FXYD2: variants seen among roughly 807,000 people sequenced by gnomAD.
The protein encoded by FXYD2 is FXYD domain containing ion transport regulator 2.
In FXYD2, 8 loss-of-function variants were observed where a neutral mutation model predicts 11.8. The observed-to-expected ratio is 0.68, with a 90% CI of 0.40 to 1.22. The LOEUF is 1.22. Ranked by LOEUF, FXYD2 falls within the 50% of genes most tolerant of loss-of-function variation. The probability of loss-of-function intolerance (pLI) is 0.01; values close to 1 mark genes in which losing one functional copy is unlikely to be tolerated. For synonymous variants in FXYD2, 42 were observed against 33.3 expected, an observed-to-expected ratio of 1.26 and a Z score of -0.90; for missense variants, 92 against 91.8, an observed-to-expected ratio of 1.00 and a Z score of -0.01.
upstream of FXYD2, among the ~76,000 whole-genome samples, chr11:117,826,132 T>C (rs568173252): frequency 1.2e-4 from 18 of 152,236 alleles, no homozygotes; most frequent in African/African-American, 4.3e-4. Context: ...TTTTTACTGT[T>C]ATATGTGTGT....
Position 117,822,795 on chromosome 11 carries a change from C to T in FXYD2, c.26-78G>A, listed in dbSNP as rs866550911. ...ACAGGAACAGCTGGAATTCCCTGTC[C>T]TTCCCTTCCCAGAGGACCCTCGAGG... On this transcript the variant is annotated intron_variant, in intron 1 of 5. Coordinates refer to ENST00000292079, the MANE Select transcript of FXYD2 (RefSeq NM_001680.5). This position sits in a 1 kb window ranked among gnomAD's most constrained non-coding sequence, Gnocchi z 4.7. 5 of 1,563,004 alleles carry T rather than the reference C, an allele frequency of 3.2e-6. No individual in the cohort carries two copies. Among genetic ancestry groups the T allele is most frequent in the Middle Eastern group, 1.8e-4 (1 of 5,424 alleles).
At chr11:117,828,010 C>T (rs2056079981), upstream of FXYD2, 1 of 1,549,626 alleles carries the variant, frequency 6.5e-7, no homozygotes, top group African/African-American at 1.4e-5. Context: ...TACCACCTGT[C>T]CATGGCAGGA....
chr11:117,820,983 C>T, intron 3 of FXYD2, 88 bp from the exon 4 acceptor site: 1 of 1,586,226 alleles, frequency 6.3e-7, no homozygotes, highest in Non-Finnish European at 8.7e-7. Context: ...TCTCTCCTAC[C>T]TCCCTCCTGC....
upstream of FXYD2, among the ~76,000 whole-genome samples, chr11:117,825,723 G>A (rs574611439): frequency 1.3e-5 from 2 of 152,198 alleles, no homozygotes; most frequent in Admixed American, 6.5e-5. Context: ...GACCTCCTTC[G>A]CCCCAGGACT....
At position 117,822,583 on chromosome 11, in the gene FXYD2, A is replaced by T; in HGVS notation, c.64+96T>A. ...CAGCCCGTGGTAACCAGGGGAGATA[A>T]GGGGCACAGAGCATGGACCTGGGGC... is the stretch of plus-strand genomic sequence containing the variant. On this transcript the variant is annotated intron_variant, in intron 2 of 5. Transcript: ENST00000292079. This position sits in a 1 kb window ranked among gnomAD's most constrained non-coding sequence, Gnocchi z 4.7. 1 of 1,569,324 alleles carries T rather than the reference A, an allele frequency of 6.4e-7. No homozygotes were observed. The highest frequency in any genetic ancestry group is 8.6e-7 in the Non-Finnish European group (1 of 1,157,056).
At position 117,822,107 on chromosome 11, in the gene FXYD2, C is replaced by A; in HGVS notation, c.139+299G>T. 7.4e-7 allele frequency: 1 copy of A among 1,347,504 alleles called. No homozygotes were observed. Among genetic ancestry groups the A allele is most frequent in the South Asian group, 1.5e-5 (1 of 65,308 alleles). 83.5% of individuals were successfully genotyped at this position (1,347,504 alleles called of 1,614,324 possible). On this transcript the variant is annotated intron_variant, in intron 3 of 5. Coordinates refer to ENST00000292079, the MANE Select transcript of FXYD2 (RefSeq NM_001680.5). This position sits in a 1 kb window ranked among gnomAD's most constrained non-coding sequence, Gnocchi z 4.7. ...ATGAGTTTGGGACCATGGTTAGCAG[C>A]GGGGGGCCTAGTCCCCCTGTCTGGC... is the stretch of plus-strand genomic sequence containing the variant.
At chr11:117,826,433 A>G (rs543513290), upstream of FXYD2, among the ~76,000 whole-genome samples, 2 of 152,236 alleles carry the variant, frequency 1.3e-5, no homozygotes, top group Non-Finnish European at 2.9e-5. Context: ...TTTTACAGAT[A>G]AAGAAACTTG....
Position 117,824,468 on chromosome 11 carries a change from A to G in FXYD2, c.25+186T>C. 1 of 663,240 alleles carries G rather than the reference A, an allele frequency of 1.5e-6. No individual in the cohort carries two copies. The highest frequency in any genetic ancestry group is 1.6e-5 in the South Asian group (1 of 60,930). The allele number at this position is 663,240 out of a possible 1,614,324, so 41.1% of individuals were successfully genotyped here. ...CTCAAGCTATCTTTCTTTGGGGTTA[A>G]AGCAGGGTCCTCCTTTAAGTTGCAA... On this transcript the variant is annotated intron_variant, in intron 1 of 5. Coordinates refer to ENST00000292079, the MANE Select transcript of FXYD2 (RefSeq NM_001680.5). This position sits in a 1 kb window ranked among gnomAD's most constrained non-coding sequence, Gnocchi z 4.0.
chr11:117,823,047 G>A (rs1341603814), intron 1 of FXYD2, among the ~76,000 whole-genome samples: 1 of 152,132 alleles, frequency 6.6e-6, no homozygotes, highest in Non-Finnish European at 1.5e-5. Flanking sequence ...TCTCCCATTA[G>A]ACTCCCAGCG....
At chr11:117,820,582 C>T (rs947743282) in intron 5 of FXYD2, 84 bp downstream of exon 5, 40 of 1,559,110 alleles carry the variant, frequency 2.6e-5, no homozygotes, top group African/African-American at 2.3e-4. Flanking sequence ...TCTTATTTAC[C>T]GAGTCCAGGA....
chr11:117,823,347 C>T (rs142624338), intron 1 of FXYD2, among the ~76,000 whole-genome samples: 79 of 152,298 alleles, frequency 5.2e-4, no homozygotes, highest in African/African-American at 1.8e-3. Flanking sequence ...CCTTATGAGG[C>T]GTCAATGTCA....
intron 3 of FXYD2, chr11:117,821,222 A>T: frequency 2.2e-6 from 1 of 452,716 alleles, no homozygotes; most frequent in Non-Finnish European, 3.0e-6. Flanking sequence ...ATGCCCAGCT[A>T]ATTAAAAAAA....
rs2055991070 is a variant in FXYD2, at chr11:117,824,458, T to C, written c.25+196A>G. On this transcript the variant is annotated intron_variant, in intron 1 of 5. Transcript: ENST00000292079. This position sits in a 1 kb window ranked among gnomAD's most constrained non-coding sequence, Gnocchi z 4.0. ...CTTTCTGCCACTCAAGCTATCTTTC[T>C]TTGGGGTTAAAGCAGGGTCCTCCTT... 1.6e-6 allele frequency: 1 copy of C among 644,874 alleles called. No individual in the cohort carries two copies. The highest frequency in any genetic ancestry group is 2.8e-6 in the Non-Finnish European group (1 of 354,178). The allele number at this position is 644,874 out of a possible 1,614,324, so 39.9% of individuals were successfully genotyped here.
chr11:117,820,308 C>T lies in FXYD2; in HGVS notation c.*71G>A, dbSNP rs565539331. On this transcript the variant is annotated 3_prime_UTR_variant, in exon 6 of 6. Coordinates refer to ENST00000292079, the MANE Select transcript of FXYD2 (RefSeq NM_001680.5). ...CTAAAGCCCAGGGAAGAAGGGGAGG[C>T]GCCAGAGGCAGGGCCATGCTTGGCT... is the stretch of plus-strand genomic sequence containing the variant. 1.4e-4 allele frequency: 48 copies of T among 336,514 alleles called. 1 individual carries two copies. The highest frequency in any genetic ancestry group is 1.0e-3 in the South Asian group (17 of 16,408). 20.8% of individuals were successfully genotyped at this position (336,514 alleles called of 1,614,324 possible). A position where few individuals can be genotyped will look rare whatever the true frequency, so the allele number is the denominator to read the frequency against.
upstream of FXYD2, chr11:117,827,862 TGGAAA>T: frequency 1.4e-6 from 1 of 730,758 alleles, no homozygotes; most frequent in Non-Finnish European, 2.5e-6. Context: ...TGCTCTTTTT[TGGAAA>T]TTCTGCCTCT....
rs1375165292 is a variant in FXYD2, at chr11:117,824,271, C to A, written c.25+383G>T. The A allele has an allele frequency of 8.5e-6, 3 of 354,624 alleles. No individual in the cohort carries two copies. The highest frequency in any genetic ancestry group is 1.6e-5 in the Non-Finnish European group (3 of 187,400). 22.0% of individuals were successfully genotyped at this position (354,624 alleles called of 1,614,324 possible). The stretch of plus-strand genomic sequence containing the variant: ...GGCGGGCTCTCACCCCAAATCCAGC[C>A]TAGGAAGGCTGACCAGAGGGGCCTG... On this transcript the variant is annotated intron_variant, in intron 1 of 5. Transcript: ENST00000292079. This position sits in a 1 kb window ranked among gnomAD's most constrained non-coding sequence, Gnocchi z 4.0.
rs1451202087 is a variant in FXYD2 at position 117,820,356 on chromosome 11, G to A, written c.*23C>T. ...GCTTCCCAGCTGGCCCCAGTGCAGT[G>A]GGTGGCACCGCCGAGGCTGAGAAGA... On this transcript the variant is annotated 3_prime_UTR_variant, in exon 6 of 6. Coordinates refer to ENST00000292079, the MANE Select transcript of FXYD2 (RefSeq NM_001680.5). 1 of 469,428 alleles carries A rather than the reference G, an allele frequency of 2.1e-6. No homozygotes were observed. Among genetic ancestry groups the A allele is most frequent in the Non-Finnish European group, 3.8e-6 (1 of 263,268 alleles). The allele number at this position is 469,428 out of a possible 1,614,324, so 29.1% of individuals were successfully genotyped here. A position where few individuals can be genotyped will look rare whatever the true frequency, so the allele number is the denominator to read the frequency against.
At chr11:117,827,265 T>C (rs1172050286), upstream of FXYD2, among the ~76,000 whole-genome samples, 2 of 152,216 alleles carry the variant, frequency 1.3e-5, no homozygotes, top group East Asian at 3.9e-4. Flanking sequence ...ATTCTTTTTT[T>C]TAAGACGGAG....
At position 117,822,636 on chromosome 11, in the gene FXYD2, G is replaced by A; in HGVS notation, c.64+43C>T. 1 of 1,601,612 alleles carries A rather than the reference G, an allele frequency of 6.2e-7. No individual in the cohort carries two copies. Among genetic ancestry groups the A allele is most frequent in the East Asian group, 2.3e-5 (1 of 44,394 alleles). On this transcript the variant is annotated intron_variant, in intron 2 of 5. Coordinates refer to ENST00000292079, the MANE Select transcript of FXYD2 (RefSeq NM_001680.5). This position sits in a 1 kb window ranked among gnomAD's most constrained non-coding sequence, Gnocchi z 4.7. ...GGAGAGGCCGCTGCTTGGTGGAAGGGGTCCTGAGGGCTCAGGAAGGGTGCG... is the reference window on the plus strand; with the variant it reads ...GGAGAGGCCGCTGCTTGGTGGAAGGAGTCCTGAGGGCTCAGGAAGGGTGCG...
Sources: gnomAD v4.1 joint callset for allele counts (sites outside exome capture counted in the v4.1 genomes callset) on GRCh38, gnomAD v4.1.1 for gene constraint, Gnocchi (gnomAD v3.1) non-coding constraint, MANE v1.5 for transcripts, NCBI Gene and HGNC (gene_info 2026-07-23, HGNC 2026-07-21) for gene names.